ANKS1B: variants seen among roughly 807,000 people sequenced by gnomAD.
ANKS1B encodes ankyrin repeat and sterile alpha motif domain-containing protein 1B.
ANKS1B carries 36 observed loss-of-function variants against 148.3 expected under a neutral mutation model. The observed-to-expected ratio is 0.24, with a 90% confidence interval of 0.19 to 0.32. The LOEUF is 0.32. ANKS1B is among the 10% of genes least tolerant of loss of function. ANKS1B has a pLI of 1.00. For missense variants in ANKS1B, 1,157 were observed against 1,542.6 expected (o/e 0.75, Z 4.19); for synonymous variants, 542 against 560.8 (o/e 0.97, Z 0.47).
At chr12:99,397,018 A>G (rs2094266595) in intron 12 of ANKS1B, among the ~76,000 whole-genome samples, 1 of 152,052 alleles carries the variant, frequency 6.6e-6, no homozygotes, top group African/African-American at 2.4e-5. Context: ...CCAGGTCCAC[A>G]TACCACTATT....
intron 17 of ANKS1B, chr12:99,049,043 T>G (rs2099964253): frequency 6.6e-6 from 1 of 152,218 alleles, no homozygotes; most frequent in South Asian, 2.1e-4. Flanking sequence ...ATCCAGTCAT[T>G]TAGTTGAAGC....
At chr12:99,730,934 T>G (rs2153567363) in intron 8 of ANKS1B, among the ~76,000 whole-genome samples, 2 of 152,248 alleles carry the variant, frequency 1.3e-5, no homozygotes, top group East Asian at 3.9e-4. Flanking sequence ...TTTGTTTCTT[T>G]TGTTTGTTTG....
At chr12:99,734,060 C>T (rs1448932238) in intron 8 of ANKS1B, among the ~76,000 whole-genome samples, 1 of 152,174 alleles carries the variant, frequency 6.6e-6, no homozygotes, top group Non-Finnish European at 1.5e-5. Context: ...ATTTCAATAT[C>T]ACTCCTCACT....
chr12:99,509,493 ATC>A (rs2096743158), intron 9 of ANKS1B, among the ~76,000 whole-genome samples: 1 of 151,936 alleles, frequency 6.6e-6, no homozygotes, highest in Middle Eastern at 3.2e-3. Context: ...TGGATAGAAG[ATC>A]ACACCAGCCA....
intron 2 of ANKS1B, among the ~76,000 whole-genome samples, chr12:99,821,365 TG>T (rs1281446012): frequency 6.6e-6 from 1 of 151,994 alleles, no homozygotes; most frequent in Non-Finnish European, 1.5e-5. Flanking sequence ...ACAGACTATC[TG>T]TAATTAAAGG....
At chr12:99,513,191 G>A (rs1410901705) in intron 9 of ANKS1B, among the ~76,000 whole-genome samples, 1 of 151,972 alleles carries the variant, frequency 6.6e-6, no homozygotes, top group Non-Finnish European at 1.5e-5. Context: ...ATGATCGTTG[G>A]CATGTTTTAG....
intron 4 of ANKS1B, among the ~76,000 whole-genome samples, chr12:99,795,122 G>A (rs1275437008): frequency 6.6e-6 from 1 of 151,786 alleles, no homozygotes; most frequent in Non-Finnish European, 1.5e-5. Flanking sequence ...AGAAGATAGA[G>A]GTAAATAATA....
intron 10 of ANKS1B, among the ~76,000 whole-genome samples, chr12:99,462,332 T>C (rs1472964604): frequency 1.3e-5 from 2 of 152,214 alleles, no homozygotes; most frequent in Non-Finnish European, 1.5e-5. Flanking sequence ...ATAATAGTCC[T>C]GTCCTATCGC....
At chr12:98,861,954 A>C (rs1010371970) in intron 17 of ANKS1B, among the ~76,000 whole-genome samples, 5 of 152,022 alleles carry the variant, frequency 3.3e-5, no homozygotes, top group African/African-American at 1.2e-4. Flanking sequence ...CTTATGACAG[A>C]TGAGTTTTTT....
intron 17 of ANKS1B, among the ~76,000 whole-genome samples, chr12:99,050,826 G>C (rs1409610408): frequency 1.3e-5 from 2 of 151,054 alleles, no homozygotes; most frequent in African/African-American, 4.9e-5. Flanking sequence ...CGAGTAGCTG[G>C]GACTACAGGT....
intron 9 of ANKS1B, among the ~76,000 whole-genome samples, chr12:99,511,037 C>T (rs979808610): frequency 2.0e-5 from 3 of 151,908 alleles, no homozygotes; most frequent in African/African-American, 7.3e-5. Context: ...CCTGATTGCC[C>T]TGGCCAGGAC....
chr12:99,320,099 C>T (rs1340450940), intron 12 of ANKS1B, among the ~76,000 whole-genome samples: 1 of 152,120 alleles, frequency 6.6e-6, no homozygotes, highest in African/African-American at 2.4e-5. Flanking sequence ...GGGTAACCTG[C>T]CCTTTCTCTC....
chr12:98,999,295 G>A (rs146112276), intron 17 of ANKS1B, among the ~76,000 whole-genome samples: 373 of 152,346 alleles, frequency 2.4e-3, no homozygotes, highest in African/African-American at 8.7e-3. Context: ...TACATTAGCA[G>A]CTTGACCTTT....
chr12:99,212,025 T>A (rs1379614170), intron 14 of ANKS1B, among the ~76,000 whole-genome samples: 1 of 152,204 alleles, frequency 6.6e-6, no homozygotes, highest in Non-Finnish European at 1.5e-5. Context: ...TGTAGAGCAC[T>A]GTGCTACAGG....
chr12:98,905,736 C>T (rs1262697310), intron 17 of ANKS1B, among the ~76,000 whole-genome samples: 1 of 151,968 alleles, frequency 6.6e-6, no homozygotes. Context: ...CGTACCATTG[C>T]ACTCCAGCCT....
chr12:99,266,383 GTGTTTTTT>G (rs2076442458), intron 12 of ANKS1B, among the ~76,000 whole-genome samples: 1 of 152,136 alleles, frequency 6.6e-6, no homozygotes, highest in Non-Finnish European at 1.5e-5. Context: ...ATTGTGATAA[GTGTTTTTT>G]ATCCATTATC....
chr12:99,459,820 G>A (rs1441539143), intron 10 of ANKS1B, among the ~76,000 whole-genome samples: 1 of 151,958 alleles, frequency 6.6e-6, no homozygotes, highest in Admixed American at 6.6e-5. Flanking sequence ...TGTGAAAAAT[G>A]ACCATACTGC....
chr12:98,977,998 A>G (rs1305271925), intron 17 of ANKS1B, among the ~76,000 whole-genome samples: 1 of 152,154 alleles, frequency 6.6e-6, no homozygotes, highest in Non-Finnish European at 1.5e-5. Context: ...AGAGATAGCA[A>G]GTATCTATAA....
chr12:99,418,107 C>T (rs1056708664), intron 11 of ANKS1B, among the ~76,000 whole-genome samples: 5 of 152,202 alleles, frequency 3.3e-5, no homozygotes, highest in Middle Eastern at 3.4e-3. Flanking sequence ...ATCAAAAGGC[C>T]ACTAATTAAT....
Sources: gnomAD v4.1 joint callset for allele counts (sites outside exome capture counted in the v4.1 genomes callset) on GRCh38, gnomAD v4.1.1 for gene constraint, MANE v1.5 for transcripts, NCBI Gene and HGNC (gene_info 2026-07-23, HGNC 2026-07-21) for gene names.